ATAD2: variants seen among roughly 807,000 people sequenced by gnomAD.
ATAD2 encodes ATPase family AAA domain-containing protein 2.
In ATAD2, 62 loss-of-function variants were observed where a neutral mutation model predicts 168.9. The ratio of observed to expected loss-of-function variants is 0.37; its 90% CI spans 0.30 to 0.45. The LOEUF (loss-of-function observed/expected upper bound fraction) is 0.45, where lower values mean the gene tolerates loss of function less well. ATAD2 is among the 20% of genes least tolerant of loss of function. ATAD2 has a pLI of 1.00. For missense variants in ATAD2, 1,419 were observed against 1,667.8 expected (o/e 0.85, Z 2.60); for synonymous variants, 613 against 571.6 (o/e 1.07, Z -1.03).
chr8:123,348,624 C>T (rs1026221883), intron 14 of ATAD2, among the ~76,000 whole-genome samples: 2 of 152,144 alleles, frequency 1.3e-5, no homozygotes, highest in Non-Finnish European at 2.9e-5. Context: ...TTGCAGTGAG[C>T]TGAGATTGTG....
In ATAD2 at chr8:123,372,091, G is replaced by C. The variant is rs1208545488; in HGVS notation, c.371-256C>G. Among the ~76,000 whole-genome samples, 10 of 152,274 alleles carry C rather than the reference G, an allele frequency of 6.6e-5. No individual in the cohort carries two copies. In the East Asian group the frequency reaches 1.9e-3, roughly 29 times the overall value. On this transcript the variant is annotated intron_variant, in intron 3 of 27. Transcript: ENST00000287394. ...GACTTGTACATGAATGTTCAAAGCA[G>C]CTTTGTGATAGCCCCAAACCAGAAA...
intron 1 of ATAD2, among the ~76,000 whole-genome samples, chr8:123,408,717 A>G (rs1488047904): frequency 6.6e-6 from 1 of 151,960 alleles, no homozygotes; most frequent in Non-Finnish European, 1.5e-5. Flanking sequence ...GGGTTTCACC[A>G]TGTTGGCCAG....
At chr8:123,399,962 G>A (rs549753305), upstream of ATAD2, among the ~76,000 whole-genome samples, 5 of 152,078 alleles carry the variant, frequency 3.3e-5, no homozygotes, top group African/African-American at 1.2e-4. Flanking sequence ...TCAGGAGTTC[G>A]AGACTAGCCT....
rs139616990 is a variant in ATAD2 at position 123,415,062 on chromosome 8, T to C, written c.-2282+1186A>G. ...TGTGTTTCCAGGATTTGTTTCAAGA[T>C]TTAGAACTCCTTTTAGCAGTTCCTG... is the stretch of plus-strand genomic sequence containing the variant. On this transcript the variant is annotated intron_variant, in intron 1 of 28. Coordinates refer to the ATAD2 transcript ENST00000521903. Among the ~76,000 whole-genome samples the C allele has an allele frequency of 3.3e-5, 5 of 152,352 alleles. No homozygotes were observed. In the East Asian group the frequency reaches 9.6e-4, roughly 29 times the overall value.
intron 27 of ATAD2, among the ~76,000 whole-genome samples, chr8:123,321,679 A>C (rs1044915484): frequency 6.6e-6 from 1 of 152,238 alleles, no homozygotes; most frequent in Admixed American, 6.5e-5. Context: ...CTGCCTGTTA[A>C]TGCCAGCACT....
chr8:123,326,053 AT>A lies in ATAD2; in HGVS notation c.3869-28del, dbSNP rs769053683. 6 of 1,610,000 alleles carry A rather than the reference AT, an allele frequency of 3.7e-6. No individual in the cohort carries two copies. In the African/African-American group the frequency reaches 8.0e-5, roughly 22 times the overall value. On this transcript the variant is annotated intron_variant, in intron 25 of 27. Transcript: ENST00000287394. The stretch of plus-strand genomic sequence containing the variant: ...TAGAATGAAAAATCAAATGATTATT[AT>A]TTGGTCCATAGATATTATGATGTCT...
chr8:123,406,212 A>G (rs1345431758), intron 1 of ATAD2, among the ~76,000 whole-genome samples: 1 of 151,942 alleles, frequency 6.6e-6, no homozygotes, highest in Non-Finnish European at 1.5e-5. Context: ...CTGTGTCTCT[A>G]CTAAAAATAC....
chr8:123,404,258 T>C (rs1156961450), intron 1 of ATAD2, among the ~76,000 whole-genome samples: 1 of 152,146 alleles, frequency 6.6e-6, no homozygotes, highest in Non-Finnish European at 1.5e-5. Flanking sequence ...CTATATCAGG[T>C]ATGTTCATTT....
intron 26 of ATAD2, among the ~76,000 whole-genome samples, chr8:123,325,221 C>T (rs1311580638): frequency 1.3e-5 from 2 of 150,548 alleles, no homozygotes; most frequent in African/African-American, 2.4e-5. Flanking sequence ...TCAGCCTCCC[C>T]AGTAGGCTGG....
At chr8:123,408,188 A>G (rs1409835554) in intron 1 of ATAD2, among the ~76,000 whole-genome samples, 1 of 152,202 alleles carries the variant, frequency 6.6e-6, no homozygotes, top group African/African-American at 2.4e-5. Flanking sequence ...TTTGCCATAT[A>G]TTAGCTATTC....
rs754591915 is a variant in ATAD2 at position 123,380,672 on chromosome 8, C to A, written c.177G>T (p.Gly59=). 1.9e-6 allele frequency: 3 copies of A among 1,597,962 alleles called. No individual in the cohort carries two copies. In the South Asian group the frequency reaches 3.4e-5, roughly 18 times the overall value. The part of the protein sequence containing the change: ...PAATTAKAGD[G]SSVKEVETYH... Reference sequence around the variant, plus strand: ...AGGTTTCAACTTCCTTAACTGATGACCCATCCTTTAAGAAAAATTAAGAAA... The same window carrying A: ...AGGTTTCAACTTCCTTAACTGATGAACCATCCTTTAAGAAAAATTAAGAAA... Residue 59 remains glycine, a synonymous_variant, in exon 2 of 28, where the codon GGG becomes GGT. Transcript: ENST00000287394.
At chr8:123,399,093 T>G (rs551674532), upstream of ATAD2, among the ~76,000 whole-genome samples, 1 of 152,180 alleles carries the variant, frequency 6.6e-6, no homozygotes, top group South Asian at 2.1e-4. Flanking sequence ...AAACCCCGTC[T>G]CTACTGAAAA....
chr8:123,391,059 A>G (rs747106999), intron 1 of ATAD2, among the ~76,000 whole-genome samples: 9 of 152,020 alleles, frequency 5.9e-5, no homozygotes, highest in Non-Finnish European at 1.2e-4. Context: ...TACGATCATC[A>G]TCAATTTAAA....
chr8:123,334,504 T>G (rs780203273), intron 22 of ATAD2, among the ~76,000 whole-genome samples, 182 bp from the exon 23 acceptor site: 1 of 152,140 alleles, frequency 6.6e-6, no homozygotes, highest in Admixed American at 6.5e-5. Flanking sequence ...GTTCTGGACA[T>G]CTGATTCAAT....
At chr8:123,389,589 C>G (rs943441380) in intron 1 of ATAD2, among the ~76,000 whole-genome samples, 1 of 151,196 alleles carries the variant, frequency 6.6e-6, no homozygotes, top group East Asian at 2.0e-4. Flanking sequence ...GCAGTGAGCC[C>G]AGATCGCGCC....
chr8:123,396,148 G>A (rs900548203), intron 1 of ATAD2, 39 bp downstream of exon 1: 4 of 1,519,260 alleles, frequency 2.6e-6, no homozygotes, highest in African/African-American at 1.4e-5. Context: ...CAGTCCCCCC[G>A]GGAACCGCCC....
At chr8:123,387,203 AT>A (rs1439976833) in intron 1 of ATAD2, among the ~76,000 whole-genome samples, 1 of 152,060 alleles carries the variant, frequency 6.6e-6, no homozygotes, top group Non-Finnish European at 1.5e-5. Flanking sequence ...TAATATCAAT[AT>A]TTTTTCATGT....
chr8:123,396,487 C>A, upstream of ATAD2: 2 of 959,738 alleles, frequency 2.1e-6, no homozygotes, highest in South Asian at 1.7e-5. Flanking sequence ...AGCGCGCGCG[C>A]CCAGAATCCC....
At chr8:123,399,087 C>T (rs1812964505), upstream of ATAD2, among the ~76,000 whole-genome samples, 4 of 152,030 alleles carry the variant, frequency 2.6e-5, no homozygotes, top group South Asian at 8.3e-4. Flanking sequence ...ATGGTGAAAC[C>T]CCGTCTCTAC....
Sources: allele counts gnomAD v4.1 joint callset (sites outside exome capture counted in the v4.1 genomes callset), GRCh38; gene constraint gnomAD v4.1.1; transcripts MANE v1.5; gene names NCBI Gene and HGNC (gene_info 2026-07-23, HGNC 2026-07-21).